FLRT1: variants seen among roughly 807,000 people sequenced by gnomAD.
FLRT1 encodes fibronectin leucine rich transmembrane protein 1, also known as leucine-rich repeat transmembrane protein FLRT1.
A neutral mutation model predicts 30.9 loss-of-function variants in FLRT1; 14 were observed. That is an observed-to-expected ratio of 0.45 (90% CI 0.30 to 0.71). The LOEUF (loss-of-function observed/expected upper bound fraction) is 0.71. Among genes scored for constraint, FLRT1 ranks in the 30% least tolerant of loss-of-function variants. FLRT1 has a pLI of 0.08. For missense variants in FLRT1, 737 were observed against 949.2 expected (o/e 0.78, Z 2.94); for synonymous variants, 368 against 430.4 (o/e 0.85, Z 1.80).
At chr11:64,078,788 G>A (rs529829609) in intron 1 of FLRT1, among the ~76,000 whole-genome samples, 1 of 152,240 alleles carries the variant, frequency 6.6e-6, no homozygotes, top group Non-Finnish European at 1.5e-5. Flanking sequence ...TGACTGCAGG[G>A]GGGGAGGCCT....
chr11:64,066,295 A>C (rs998108794), intron 1 of FLRT1, among the ~76,000 whole-genome samples: 4 of 67,948 alleles, frequency 5.9e-5, no homozygotes, highest in African/African-American at 2.1e-4. Context: ...AGACTGTCTC[A>C]AAAAAAAAAA....
Position 64,118,001 on chromosome 11 carries a change from C to G in FLRT1, c.1734C>G (p.His578Gln), listed in dbSNP as rs1462665646. The change falls in exon 3 of 3, where the codon CAC becomes CAG. Residue 578 changes from histidine (H) to glutamine (Q), a missense_variant. Physicochemically the swap from His to Gln is conservative, Grantham distance 24 (BLOSUM62 0). Coordinates refer to ENST00000682287, the MANE Select transcript of FLRT1 (RefSeq NM_013280.5). ...LVLGAICWYV[H>Q]QAGELLTRER... ...TGGGGGCCATCTGCTGGTACGTGCA[C>G]CAGGCTGGCGAGCTGCTGACCCGGG... is the stretch of plus-strand genomic sequence containing the variant. 4 of 1,613,680 alleles carry G rather than the reference C, an allele frequency of 2.5e-6. No homozygotes were observed. Among genetic ancestry groups the G allele is most frequent in the Middle Eastern group, 1.6e-4 (1 of 6,084 alleles).
chr11:64,053,160 A>G (rs1236364857), intron 1 of FLRT1, among the ~76,000 whole-genome samples: 2 of 152,098 alleles, frequency 1.3e-5, no homozygotes, highest in Admixed American at 6.5e-5. Context: ...CCCCAGACGG[A>G]GAGCTGGGGC....
chr11:64,075,416 A>G (rs1378387002), intron 1 of FLRT1, among the ~76,000 whole-genome samples: 1 of 152,274 alleles, frequency 6.6e-6, no homozygotes, highest in Non-Finnish European at 1.5e-5. Flanking sequence ...GCAATCCAAT[A>G]TTGTTTCCAT....
chr11:64,058,848 G>A (rs1465184847), intron 1 of FLRT1, among the ~76,000 whole-genome samples: 2 of 152,144 alleles, frequency 1.3e-5, no homozygotes, highest in Non-Finnish European at 2.9e-5. Flanking sequence ...GCAAGGGGGG[G>A]TAGGACCAGT....
At chr11:64,061,873 C>CTT (rs57666180) in intron 1 of FLRT1, among the ~76,000 whole-genome samples, 88 of 99,104 alleles carry the variant, frequency 8.9e-4, no homozygotes, top group Non-Finnish European at 9.6e-4. Context: ...ACCACGCTGG[C>CTT]TTTTTTTTTT....
chr11:64,043,476 G>A (rs1301446636), intron 1 of FLRT1, among the ~76,000 whole-genome samples: 1 of 152,176 alleles, frequency 6.6e-6, no homozygotes, highest in Non-Finnish European at 1.5e-5. Flanking sequence ...AAGTTGAGGT[G>A]TGGGTGACTC....
Position 64,036,048 on chromosome 11 carries a change from C to T in FLRT1, c.-1149C>T, listed in dbSNP as rs1303348617. 6.6e-6 allele frequency: 1 copy of T among 151,466 alleles called. No individual in the cohort carries two copies. The highest frequency in any genetic ancestry group is 6.6e-5 in the Admixed American group (1 of 15,236). 9.4% of individuals were successfully genotyped at this position (151,466 alleles called of 1,614,324 possible). A position where few individuals can be genotyped will look rare whatever the true frequency, so the allele number is the denominator to read the frequency against. Reference sequence around the variant, plus strand: ...CGCCGGGGGCTCCTCTCCCGGGCCCCCCTGGGCGCCCTCCGGCTCTGGTTC... The same window carrying T: ...CGCCGGGGGCTCCTCTCCCGGGCCCTCCTGGGCGCCCTCCGGCTCTGGTTC... On this transcript the variant is annotated 5_prime_UTR_variant, in exon 1 of 3. Coordinates refer to ENST00000682287, the MANE Select transcript of FLRT1 (RefSeq NM_013280.5). This position sits in a 1 kb window ranked among gnomAD's most constrained non-coding sequence, Gnocchi z 5.6.
In FLRT1 at chr11:64,047,324, C is replaced by T. The variant is rs535485562; in HGVS notation, c.-1038+11165C>T. Among the ~76,000 whole-genome samples the T allele has an allele frequency of 4.1e-4, 62 of 152,192 alleles. 3 individuals are homozygous for T. In the South Asian group the frequency reaches 0.012, roughly 31 times the overall value. On this transcript the variant is annotated intron_variant, in intron 1 of 2. Transcript: ENST00000682287. ...CAGCCCTGGGAGTGGGTAGCGTGAG[C>T]CCATTTTAAGAAGGCGAAACCTGAG...
In FLRT1 at chr11:64,067,609, G is replaced by A. The variant is rs749888154; in HGVS notation, c.-1038+31450G>A. On this transcript the variant is annotated intron_variant, in intron 1 of 2. Coordinates refer to ENST00000682287, the MANE Select transcript of FLRT1 (RefSeq NM_013280.5). The surrounding 1 kb of genome is among the most constrained non-coding windows in gnomAD (Gnocchi z 4.6). ...TCCCTCCTGTCCCTAGGTGGGTGAC[G>A]CACCAACATGCCCGTGGCCTCCGGT... 2.2e-4 allele frequency among the ~76,000 whole-genome samples: 34 copies of A among 152,096 alleles called. No homozygotes were observed. The highest frequency in any genetic ancestry group is 2.6e-4 in the Non-Finnish European group (18 of 68,010).
chr11:64,105,627 G>A (rs898437541), intron 2 of FLRT1, among the ~76,000 whole-genome samples: 3 of 152,158 alleles, frequency 2.0e-5, no homozygotes, highest in Non-Finnish European at 4.4e-5. Flanking sequence ...CCACAGGCAT[G>A]AGTGACCCCA....
chr11:64,089,488 C>T (rs182719272), intron 1 of FLRT1, among the ~76,000 whole-genome samples: 1 of 152,224 alleles, frequency 6.6e-6, no homozygotes, highest in East Asian at 1.9e-4. Flanking sequence ...GTCCAGCCCC[C>T]TCCCCTGACT....
At position 64,052,973 on chromosome 11, in the gene FLRT1, C is replaced by T. The variant is rs1943721417; in HGVS notation, c.-1038+16814C>T. On this transcript the variant is annotated intron_variant, in intron 1 of 2. Coordinates refer to ENST00000682287, the MANE Select transcript of FLRT1 (RefSeq NM_013280.5). ...ATCTCTCTTTCCCCACCCCTGGCTG[C>T]AACCTGCCTGTGCTTGGGTATAATT... Among the ~76,000 whole-genome samples the T allele has an allele frequency of 2.6e-5, 4 of 152,370 alleles. No homozygotes were observed. In the South Asian group the frequency reaches 8.3e-4, roughly 32 times the overall value.
chr11:64,097,157 C>A (rs1306279859), intron 1 of FLRT1, among the ~76,000 whole-genome samples: 1 of 152,208 alleles, frequency 6.6e-6, no homozygotes. Flanking sequence ...AGCTAGGGAA[C>A]CCTCCCCCTC....
At chr11:64,093,327 G>T (rs987460682) in intron 1 of FLRT1, among the ~76,000 whole-genome samples, 4 of 152,236 alleles carry the variant, frequency 2.6e-5, no homozygotes, top group African/African-American at 7.2e-5. Context: ...CACTGCTGCG[G>T]ACACAGTCCT....
chr11:64,039,866 G>T (rs1238378510), intron 1 of FLRT1, among the ~76,000 whole-genome samples: 3 of 152,208 alleles, frequency 2.0e-5, no homozygotes, highest in Non-Finnish European at 4.4e-5. Context: ...CAGAGCTGGT[G>T]GCTAGTGAGG....
chr11:64,062,958 G>A (rs1943932591), intron 1 of FLRT1, among the ~76,000 whole-genome samples: 1 of 152,222 alleles, frequency 6.6e-6, no homozygotes, highest in Admixed American at 6.5e-5. Flanking sequence ...AGCATGGCCT[G>A]GGGCTGGGAC....
intron 1 of FLRT1, among the ~76,000 whole-genome samples, chr11:64,085,803 G>A (rs1052087007): frequency 7.9e-5 from 12 of 152,336 alleles, no homozygotes; most frequent in Non-Finnish European, 1.3e-4. Flanking sequence ...CCTCAGCTGG[G>A]CAAGTCGGGG....
chr11:64,055,400 G>A (rs965803715), intron 1 of FLRT1, among the ~76,000 whole-genome samples: 5 of 152,232 alleles, frequency 3.3e-5, no homozygotes, highest in Non-Finnish European at 7.3e-5. Context: ...AGAAACGATG[G>A]GGGATGGGTG....
Sources: gnomAD v4.1 joint callset for allele counts (sites outside exome capture counted in the v4.1 genomes callset) on GRCh38, gnomAD v4.1.1 for gene constraint, Gnocchi (gnomAD v3.1) non-coding constraint, MANE v1.5 for transcripts, NCBI Gene and HGNC (gene_info 2026-07-23, HGNC 2026-07-21) for gene names.